SCAMP2: variants seen among roughly 807,000 people sequenced by gnomAD.
SCAMP2 encodes the protein secretory carrier membrane protein 2, also known as secretory carrier-associated membrane protein 2.
A neutral mutation model predicts 44.1 loss-of-function variants in SCAMP2; 25 were observed. That is an observed-to-expected ratio of 0.57 (90% CI 0.41 to 0.79). The LOEUF (loss-of-function observed/expected upper bound fraction) is 0.79, where lower values mean the gene tolerates loss of function less well. Ranked by LOEUF, SCAMP2 falls within the 30% of genes least tolerant of loss-of-function variation. SCAMP2 has a pLI of 0.00. For missense variants in SCAMP2, 355 were observed against 411.0 expected, an observed-to-expected ratio of 0.86 and a Z score of 1.18; for synonymous variants, 156 against 166.0, an observed-to-expected ratio of 0.94 and a Z score of 0.46.
At position 74,851,442 on chromosome 15, in the gene SCAMP2, G is replaced by C; in HGVS notation, c.383C>G (p.Pro128Arg). 1 of 1,614,008 alleles carries C rather than the reference G, an allele frequency of 6.2e-7. No individual in the cohort carries two copies. Among genetic ancestry groups the C allele is most frequent in the South Asian group, 1.1e-5 (1 of 91,078 alleles). Residue 128 changes from proline to arginine, a missense_variant, in exon 5 of 9, where the codon CCT becomes CGT. Pro to Arg is a moderately radical substitution (Grantham distance 103). Transcript: ENST00000268099. ...ATCCTGATAGAAGCAGGGCTTCACAGGGCACCACGAGGGCAGAGGGGGCCA... is the reference window on the plus strand; with the variant it reads ...ATCCTGATAGAAGCAGGGCTTCACACGGCACCACGAGGGCAGAGGGGGCCA... Reference protein sequence around the residue: ...NNWPPLPSWCPVKPCFYQDFS... With the variant: ...NNWPPLPSWCRVKPCFYQDFS...
chr15:74,849,300 T>C (rs1473002732), intron 6 of SCAMP2, among the ~76,000 whole-genome samples: 1 of 152,020 alleles, frequency 6.6e-6, no homozygotes, highest in African/African-American at 2.4e-5. Context: ...ACACAAAAAT[T>C]AGCTGGGCGT....
Position 74,844,443 on chromosome 15 carries a change from G to A in SCAMP2, c.*640C>T, listed in dbSNP as rs2064374296. The A allele has an allele frequency of 6.6e-6, 1 of 152,284 alleles. No homozygotes were observed. Among genetic ancestry groups the A allele is most frequent in the East Asian group, 1.9e-4 (1 of 5,190 alleles). 9.4% of individuals were successfully genotyped at this position (152,284 alleles called of 1,614,324 possible). A position where few individuals can be genotyped will look rare whatever the true frequency, so the allele number is the denominator to read the frequency against. On this transcript the variant is annotated 3_prime_UTR_variant, in exon 9 of 9. Transcript: ENST00000268099. ...TGCCATCCCCTGCAGGAGGGTGCAG[G>A]GGGATAAAGGGCTATTAATCCGTTT...
chr15:74,849,121 C>G (rs1161410969), intron 6 of SCAMP2, among the ~76,000 whole-genome samples: 4 of 152,044 alleles, frequency 2.6e-5, no homozygotes. Context: ...CGTTTCATAA[C>G]AGGCAAGAAA....
At chr15:74,851,044 A>C (rs1209290480) in intron 5 of SCAMP2, among the ~76,000 whole-genome samples, 3 of 152,154 alleles carry the variant, frequency 2.0e-5, no homozygotes, top group African/African-American at 7.2e-5. Flanking sequence ...CTCAGAGTTC[A>C]CAGGCCTGTG....
At chr15:74,852,431 C>T in intron 3 of SCAMP2, 1 of 367,276 alleles carries the variant, frequency 2.7e-6, no homozygotes, top group East Asian at 4.0e-5. Context: ...CTCCCCTCAT[C>T]CCTAAGCTTG....
chr15:74,849,321 G>A (rs1415748704), intron 6 of SCAMP2, among the ~76,000 whole-genome samples: 11 of 152,112 alleles, frequency 7.2e-5, no homozygotes, highest in East Asian at 1.9e-4. Flanking sequence ...GGTGGTGTGC[G>A]CCTGTAATCC....
chr15:74,855,135 G>C (rs2064460289), intron 1 of SCAMP2, among the ~76,000 whole-genome samples: 2 of 151,498 alleles, frequency 1.3e-5, no homozygotes, highest in Admixed American at 1.3e-4. Flanking sequence ...ACAGAGTCTT[G>C]CTCTGTCACC....
At chr15:74,871,210 T>G (rs929149014) in intron 1 of SCAMP2, among the ~76,000 whole-genome samples, 2 of 152,150 alleles carry the variant, frequency 1.3e-5, no homozygotes, top group Non-Finnish European at 2.9e-5. Context: ...TCATAGCACT[T>G]TGAGAGGCTG....
chr15:74,851,617 A>G, intron 4 of SCAMP2, 136 bp from the exon 5 acceptor site: 2 of 1,032,676 alleles, frequency 1.9e-6, no homozygotes, highest in Non-Finnish European at 2.8e-6. Flanking sequence ...TGGAGTCTGC[A>G]TGGAGCATGG....
intron 4 of SCAMP2, chr15:74,851,855 G>A (rs1596415345): frequency 2.2e-6 from 1 of 460,058 alleles, no homozygotes; most frequent in East Asian, 3.3e-5. Context: ...GAGCTAGGAA[G>A]GAGTGCAGAA....
At chr15:74,847,086 ATTT>A (rs34231883) in intron 7 of SCAMP2, among the ~76,000 whole-genome samples, 3 of 109,304 alleles carry the variant, frequency 2.7e-5, no homozygotes, top group South Asian at 3.2e-4. Flanking sequence ...TTGTCAGTTA[ATTT>A]TTTTTTTTTT....
intron 1 of SCAMP2, among the ~76,000 whole-genome samples, chr15:74,856,001 G>GTCTTC (rs2064466419): frequency 6.6e-6 from 1 of 151,978 alleles, no homozygotes; most frequent in Non-Finnish European, 1.5e-5. Flanking sequence ...TGGAACAGTT[G>GTCTTC]TCTTCACCCT....
chr15:74,870,762 A>G (rs1003048937), intron 1 of SCAMP2, among the ~76,000 whole-genome samples: 2 of 152,212 alleles, frequency 1.3e-5, no homozygotes, highest in African/African-American at 4.8e-5. Flanking sequence ...ACCAAGAAAG[A>G]AGCAAAACAT....
rs1164366331 is a variant in SCAMP2, at chr15:74,854,626, G to C, written c.81C>G (p.Thr27=). 1 of 1,609,070 alleles carries C rather than the reference G, an allele frequency of 6.2e-7. No homozygotes were observed. Among genetic ancestry groups the C allele is most frequent in the East Asian group, 2.2e-5 (1 of 44,702 alleles). The change falls in exon 2 of 9, where the codon ACC becomes ACG. Residue 27 remains threonine, a synonymous_variant. Transcript: ENST00000268099. ...CCGCCAGGCCGCCCTGCGGGGCGTT[G>C]GTCAGCTGGGTCACAGAGGGATCCT... ...PFQDPSVTQL[T]NAPQGGLAEF...
chr15:74,853,932 T>C, intron 3 of SCAMP2, 89 bp downstream of exon 3: 1 of 1,212,108 alleles, frequency 8.3e-7, no homozygotes, highest in Non-Finnish European at 1.2e-6. Context: ...CTGAAAGCTC[T>C]CTGCTTGCCC....
chr15:74,868,405 G>A (rs1345022406), intron 1 of SCAMP2, among the ~76,000 whole-genome samples: 1 of 152,164 alleles, frequency 6.6e-6, no homozygotes, highest in Non-Finnish European at 1.5e-5. Flanking sequence ...AGTTTCAAAG[G>A]ATATAACGAC....
intron 1 of SCAMP2, among the ~76,000 whole-genome samples, chr15:74,869,417 A>G (rs12101507): frequency 0.06 from 9,057 of 152,214 alleles, 874 homozygotes; most frequent in African/African-American, 0.21. Flanking sequence ...GCTAATACTA[A>G]TTTGTTACTT....
intron 1 of SCAMP2, among the ~76,000 whole-genome samples, chr15:74,862,626 G>T (rs1051463917): frequency 3.3e-5 from 5 of 151,344 alleles, no homozygotes; most frequent in Non-Finnish European, 7.4e-5. Context: ...GTAGAAATAT[G>T]GAAGACTTAT....
rs376201343 is a variant in SCAMP2 at position 74,854,693 on chromosome 15, C to T, written c.58-44G>A. The stretch of plus-strand genomic sequence containing the variant: ...GCCCTTAGACACAGTGGAGAAAATC[C>T]GGGCCAGGGGCCGGCAGGCGAGCCG... On this transcript the variant is annotated intron_variant, in intron 1 of 8. Transcript: ENST00000268099. The T allele has an allele frequency of 3.8e-4, 582 of 1,550,052 alleles. 1 individual carries two copies. The highest frequency in any genetic ancestry group is 6.6e-4 in the African/African-American group (48 of 73,060).
Sources: allele counts gnomAD v4.1 joint callset (sites outside exome capture counted in the v4.1 genomes callset), GRCh38; gene constraint gnomAD v4.1.1; transcripts MANE v1.5; gene names NCBI Gene and HGNC (gene_info 2026-07-23, HGNC 2026-07-21).